The following PCDH15 variants were observed in gnomAD, a reference collection of about 807,000 sequenced individuals.
PCDH15 encodes protocadherin related 15.
Under a neutral mutation model 178.5 loss-of-function variants are expected in PCDH15, and 129 were observed. The ratio of observed to expected loss-of-function variants is 0.72; its 90% CI spans 0.63 to 0.84. PCDH15 has a LOEUF of 0.84. Among genes scored for constraint, PCDH15 ranks in the 40% least tolerant of loss-of-function variants. PCDH15 has a pLI of 0.00. For synonymous variants in PCDH15, 800 were observed against 732.0 expected (o/e 1.09, Z -1.50); for missense variants, 2,230 against 2,099.9 (o/e 1.06, Z -1.21).
At chr10:54,559,002 G>C (rs1047379166) in intron 2 of PCDH15, among the ~76,000 whole-genome samples, 3 of 151,908 alleles carry the variant, frequency 2.0e-5, no homozygotes, top group Non-Finnish European at 2.9e-5. Context: ...AATAGCAATA[G>C]GTTTGGCACA....
At chr10:55,428,122 T>C (rs1041121608) in intron 2 of PCDH15, among the ~76,000 whole-genome samples, 1 of 152,000 alleles carries the variant, frequency 6.6e-6, no homozygotes, top group African/African-American at 2.4e-5. Context: ...TGTCTTTGAG[T>C]CCTGTAGAAT....
chr10:54,948,652 G>A (rs911515371), intron 2 of PCDH15, among the ~76,000 whole-genome samples: 12 of 151,840 alleles, frequency 7.9e-5, no homozygotes, highest in Admixed American at 7.9e-4. Flanking sequence ...CCCTTTACTG[G>A]AGCTGGGACA....
chr10:54,983,851 C>T (rs1452077733), intron 2 of PCDH15, among the ~76,000 whole-genome samples: 4 of 152,088 alleles, frequency 2.6e-5, no homozygotes, highest in Non-Finnish European at 1.5e-5. Flanking sequence ...AATGTCTCTT[C>T]CACTCTGTAC....
chr10:55,024,137 A>G (rs911651332), intron 2 of PCDH15, among the ~76,000 whole-genome samples: 1 of 147,302 alleles, frequency 6.8e-6, no homozygotes, highest in Non-Finnish European at 1.5e-5. Context: ...ATATATATAT[A>G]TAGGAAGGAA....
In PCDH15 at chr10:54,488,247, A is replaced by G. The variant is rs553429930; in HGVS notation, c.157+39565T>C. Among the ~76,000 whole-genome samples, 5 of 151,990 alleles carry G rather than the reference A, an allele frequency of 3.3e-5. No individual in the cohort carries two copies. In the South Asian group the frequency reaches 1.0e-3, roughly 31 times the overall value. On this transcript the variant is annotated intron_variant, in intron 3 of 37. Transcript: ENST00000644397. ...TAATTTTAAGAAACATTTTTATAGT[A>G]ATGGAATATAGTTTTGAACTTATAT...
chr10:54,794,005 T>G (rs1185490481), intron 1 of PCDH15, among the ~76,000 whole-genome samples: 2 of 148,806 alleles, frequency 1.3e-5, no homozygotes, highest in African/African-American at 4.9e-5. Context: ...TAATGTTCTT[T>G]TTTGAAAACA....
chr10:54,685,455 G>A (rs939855312), intron 1 of PCDH15, among the ~76,000 whole-genome samples: 1 of 152,118 alleles, frequency 6.6e-6, no homozygotes, highest in Non-Finnish European at 1.5e-5. Flanking sequence ...ACAAACGTGT[G>A]AGTAATGCTT....
At chr10:55,367,812 G>T (rs1845404394) in intron 2 of PCDH15, among the ~76,000 whole-genome samples, 1 of 152,010 alleles carries the variant, frequency 6.6e-6, no homozygotes, top group Non-Finnish European at 1.5e-5. Flanking sequence ...CTTAAGTTTT[G>T]TTTTACTATT....
At chr10:53,929,951 T>G (rs2084900292) in intron 25 of PCDH15, among the ~76,000 whole-genome samples, 1 of 152,184 alleles carries the variant, frequency 6.6e-6, no homozygotes, top group Admixed American at 6.5e-5. Context: ...ATGTTACTGC[T>G]TTTGCTCTAC....
intron 1 of PCDH15, among the ~76,000 whole-genome samples, chr10:55,281,121 ATGTT>A (rs1185673852): frequency 1.3e-5 from 2 of 152,110 alleles, no homozygotes; most frequent in African/African-American, 4.8e-5. Context: ...TTTCCCCCTT[ATGTT>A]TGTTTTCTGT....
intron 2 of PCDH15, among the ~76,000 whole-genome samples, chr10:54,950,307 C>A (rs1486220147): frequency 6.6e-6 from 1 of 151,952 alleles, no homozygotes; most frequent in Non-Finnish European, 1.5e-5. Flanking sequence ...TGTCTCCACC[C>A]AAATCTCATC....
chr10:54,124,266 T>C (rs557367799), intron 15 of PCDH15, among the ~76,000 whole-genome samples: 33 of 152,310 alleles, frequency 2.2e-4, no homozygotes, highest in Middle Eastern at 3.4e-3. Flanking sequence ...ATTCCACTTA[T>C]ATAAGGTAGC....
In PCDH15 at chr10:54,898,612, A is replaced by G. The variant is rs533964920; in HGVS notation, c.-79-1112T>C. Among the ~76,000 whole-genome samples the G allele has an allele frequency of 8.5e-5, 13 of 152,264 alleles. No individual in the cohort carries two copies. The South Asian group carries it at 2.7e-3, about 32-fold the overall frequency. On this transcript the variant is annotated intron_variant, in intron 2 of 5. Coordinates refer to the PCDH15 transcript ENST00000458638. ...TACCTAGTTAAGTACTTACTGGAAT[A>G]CTGAATTTTCTATCCAATAAATACC...
intron 3 of PCDH15, among the ~76,000 whole-genome samples, chr10:54,861,699 C>G (rs889702059): frequency 6.6e-6 from 1 of 152,162 alleles, no homozygotes; most frequent in South Asian, 2.1e-4. Context: ...CAAGCCAGAG[C>G]ATTCAGGCAA....
chr10:54,536,997 C>CTGTTT (rs2084614703), intron 2 of PCDH15, among the ~76,000 whole-genome samples: 1 of 92,118 alleles, frequency 1.1e-5, no homozygotes, highest in African/African-American at 4.1e-5. Context: ...AATTTGTTTC[C>CTGTTT]TTTTTTTTTT....
chr10:55,286,327 C>A (rs1842868722), intron 1 of PCDH15, among the ~76,000 whole-genome samples: 1 of 151,366 alleles, frequency 6.6e-6, no homozygotes, highest in Admixed American at 6.6e-5. Context: ...ACTGTCAGTC[C>A]CCTTACAAAG....
intron 2 of PCDH15, among the ~76,000 whole-genome samples, chr10:55,360,013 G>A (rs1260002928): frequency 6.6e-6 from 1 of 151,718 alleles, no homozygotes; most frequent in Non-Finnish European, 1.5e-5. Context: ...AGACACATTG[G>A]TTAAAGGTTA....
intron 1 of PCDH15, among the ~76,000 whole-genome samples, chr10:55,220,646 C>T (rs182847710): frequency 1.2e-4 from 18 of 152,036 alleles, no homozygotes; most frequent in Non-Finnish European, 2.2e-4. Context: ...ATGGTAAGTA[C>T]GTACGTATCT....
chr10:54,882,040 G>T (rs1422921079), intron 3 of PCDH15, among the ~76,000 whole-genome samples: 1 of 151,976 alleles, frequency 6.6e-6, no homozygotes, highest in African/African-American at 2.4e-5. Flanking sequence ...AGAGTGCCTG[G>T]TTCCTAAGAC....
Sources: gnomAD v4.1 joint callset for allele counts (sites outside exome capture counted in the v4.1 genomes callset) on GRCh38, gnomAD v4.1.1 for gene constraint, MANE v1.5 for transcripts, NCBI Gene and HGNC (gene_info 2026-07-23, HGNC 2026-07-21) for gene names.